CDH12: variants seen among roughly 807,000 people sequenced by gnomAD.
The protein encoded by CDH12 is cadherin-12.
In CDH12, 41 loss-of-function variants were observed where a neutral mutation model predicts 74.1. The observed-to-expected ratio is 0.55, with a 90% CI of 0.43 to 0.72. The LOEUF (loss-of-function observed/expected upper bound fraction) is 0.72. Ranked by LOEUF, CDH12 falls within the 30% of genes least tolerant of loss-of-function variation. The pLI is 0.00. For synonymous variants in CDH12, 399 were observed against 355.0 expected, an observed-to-expected ratio of 1.12 and a Z score of -1.39; for missense variants, 945 against 977.2, an observed-to-expected ratio of 0.97 and a Z score of 0.44.
Position 21,752,062 on chromosome 5 carries a change from T to C in CDH12, c.2060A>G (p.Asn687Ser), listed in dbSNP as rs748627632. ...ALRNPKVIEE[N>S]KIRRDIKPDS... is the part of the protein sequence containing the mutation. Reference sequence around the variant, plus strand: ...TGGTTTTATATCCCTGCGAATTTTGTTCTCCTCAATCACTTTTGGGTTTCT... The same window carrying C: ...TGGTTTTATATCCCTGCGAATTTTGCTCTCCTCAATCACTTTTGGGTTTCT... Residue 687 changes from asparagine to serine, a missense_variant, in exon 15 of 15, where the codon AAC becomes AGC. Transcript: ENST00000382254. 2 of 1,614,152 alleles carry C rather than the reference T, an allele frequency of 1.2e-6. No individual in the cohort carries two copies. The highest frequency in any genetic ancestry group is 1.1e-5 in the South Asian group (1 of 91,088).
intron 1 of CDH12, among the ~76,000 whole-genome samples, chr5:22,786,862 A>G (rs1747652489): frequency 6.6e-6 from 1 of 151,644 alleles, no homozygotes; most frequent in Non-Finnish European, 1.5e-5. Flanking sequence ...GGGACTACAG[A>G]TGCATGCCAC....
intron 6 of CDH12, among the ~76,000 whole-genome samples, chr5:21,950,854 C>T (rs1023849198): frequency 6.6e-6 from 1 of 150,672 alleles, no homozygotes; most frequent in African/African-American, 2.4e-5. Flanking sequence ...GGAGCAATCT[C>T]AACCTCACTG....
chr5:22,686,618 C>A (rs1012249227), intron 1 of CDH12, among the ~76,000 whole-genome samples: 3 of 152,120 alleles, frequency 2.0e-5, no homozygotes, highest in Non-Finnish European at 4.4e-5. Flanking sequence ...AGCAACATTT[C>A]TTGAAGAGTT....
At chr5:22,195,860 T>C (rs954471018) in intron 4 of CDH12, among the ~76,000 whole-genome samples, 1 of 152,190 alleles carries the variant, frequency 6.6e-6, no homozygotes, top group African/African-American at 2.4e-5. Context: ...AAAAACTCTT[T>C]TTTCCTAGGT....
chr5:22,188,699 C>T (rs1208246593), intron 4 of CDH12, among the ~76,000 whole-genome samples: 2 of 152,142 alleles, frequency 1.3e-5, no homozygotes, highest in Admixed American at 6.5e-5. Context: ...ATTATACTCT[C>T]GCTTTGGAGC....
At chr5:22,573,691 A>G (rs909748339) in intron 1 of CDH12, among the ~76,000 whole-genome samples, 5 of 152,046 alleles carry the variant, frequency 3.3e-5, no homozygotes, top group African/African-American at 1.2e-4. Context: ...TATGACATGT[A>G]TTTGTGTATT....
In CDH12 at chr5:22,147,631, G is replaced by A. The variant is rs1190142306; in HGVS notation, c.-187+64867C>T. ...AGGTTTAATGGACTCATAGTTCCAC[G>A]TGGTTGGGGAGGCCTCACAATCATG... On this transcript the variant is annotated intron_variant, in intron 4 of 14. Coordinates refer to ENST00000382254, the MANE Select transcript of CDH12 (RefSeq NM_004061.5). Among the ~76,000 whole-genome samples the A allele has an allele frequency of 4.6e-5, 7 of 150,698 alleles. 1 individual carries two copies. The East Asian group carries it at 1.2e-3, about 25-fold the overall frequency.
At chr5:22,202,649 A>T (rs901621876) in intron 4 of CDH12, among the ~76,000 whole-genome samples, 1 of 152,116 alleles carries the variant, frequency 6.6e-6, no homozygotes, top group African/African-American at 2.4e-5. Context: ...GAGGATGTGA[A>T]CACTTGTCCA....
intron 5 of CDH12, among the ~76,000 whole-genome samples, chr5:22,075,561 C>G (rs1742259477): frequency 6.6e-6 from 1 of 151,710 alleles, no homozygotes; most frequent in Admixed American, 6.6e-5. Context: ...CTCTAGATTC[C>G]TTTATTGTAA....
chr5:21,822,735 C>A (rs1488805660), intron 8 of CDH12, among the ~76,000 whole-genome samples: 1 of 152,070 alleles, frequency 6.6e-6, no homozygotes, highest in Non-Finnish European at 1.5e-5. Flanking sequence ...GGTTAAATTA[C>A]TTCGCTTTTG....
chr5:22,821,200 A>C (rs1749681393), intron 1 of CDH12, among the ~76,000 whole-genome samples: 1 of 152,010 alleles, frequency 6.6e-6, no homozygotes, highest in African/African-American at 2.4e-5. Context: ...CATGCTAAAA[A>C]CTCTCAATAA....
intron 4 of CDH12, among the ~76,000 whole-genome samples, chr5:22,146,567 C>T (rs1235168365): frequency 6.6e-6 from 1 of 152,086 alleles, no homozygotes; most frequent in East Asian, 1.9e-4. Context: ...TTTCTCATAA[C>T]TGTAGACCTT....
chr5:22,827,089 G>A (rs1364973963), intron 1 of CDH12, among the ~76,000 whole-genome samples: 2 of 152,200 alleles, frequency 1.3e-5, no homozygotes, highest in Non-Finnish European at 2.9e-5. Context: ...TTCCTGGGCT[G>A]GGCCCAGAGT....
At chr5:21,826,968 G>A (rs1319010454) in intron 8 of CDH12, among the ~76,000 whole-genome samples, 2 of 152,090 alleles carry the variant, frequency 1.3e-5, no homozygotes, top group South Asian at 2.1e-4. Flanking sequence ...TTGCTGTGGT[G>A]TAAGAGCTCC....
chr5:22,352,891 T>C (rs1740413738), intron 3 of CDH12, among the ~76,000 whole-genome samples: 1 of 152,170 alleles, frequency 6.6e-6, no homozygotes, highest in Admixed American at 6.6e-5. Flanking sequence ...ATACTAAGAC[T>C]AGATCAAGGT....
At chr5:22,709,380 G>T (rs914652227) in intron 1 of CDH12, among the ~76,000 whole-genome samples, 12 of 152,076 alleles carry the variant, frequency 7.9e-5, no homozygotes, top group African/African-American at 2.9e-4. Flanking sequence ...AAATTGGTAT[G>T]ATTACAGGGA....
intron 1 of CDH12, among the ~76,000 whole-genome samples, chr5:22,847,294 G>A (rs1737352244): frequency 6.6e-6 from 1 of 152,104 alleles, no homozygotes; most frequent in Non-Finnish European, 1.5e-5. Flanking sequence ...TAGTAATTAG[G>A]AAAGTGTAGA....
intron 3 of CDH12, among the ~76,000 whole-genome samples, chr5:22,360,348 C>T (rs557339312): frequency 6.6e-6 from 1 of 152,230 alleles, no homozygotes; most frequent in African/African-American, 2.4e-5. Flanking sequence ...GGATAAATTC[C>T]TCCACACATA....
chr5:21,768,061 AATAACACC>A (rs1234775194), intron 11 of CDH12, among the ~76,000 whole-genome samples: 1 of 151,808 alleles, frequency 6.6e-6, no homozygotes, highest in Non-Finnish European at 1.5e-5. Flanking sequence ...ATTATTTGAA[AATAACACC>A]ATATGGAAAT....
Sources: allele counts gnomAD v4.1 joint callset (sites outside exome capture counted in the v4.1 genomes callset), GRCh38; gene constraint gnomAD v4.1.1; transcripts MANE v1.5; gene names NCBI Gene and HGNC (gene_info 2026-07-23, HGNC 2026-07-21).